Variants in NTM observed in about 807,000 individuals in gnomAD.
The protein encoded by NTM is neurotrimin, also known as IgLON family member 2.
A neutral mutation model predicts 42.1 loss-of-function variants in NTM; 13 were observed. That is an observed-to-expected ratio of 0.31 (90% CI 0.20 to 0.49). NTM has a LOEUF of 0.49. NTM is among the 20% of genes least tolerant of loss of function. The pLI, the probability that NTM is intolerant of heterozygous loss-of-function variation, is 0.99. For synonymous variants in NTM, 187 were observed against 179.2 expected, an observed-to-expected ratio of 1.04 and a Z score of -0.35; for missense variants, 373 against 452.8, an observed-to-expected ratio of 0.82 and a Z score of 1.60.
At chr11:131,540,154 GTTTTTTTTTTTTTTTT>G (rs57022166) in intron 1 of NTM, among the ~76,000 whole-genome samples, 1 of 86,684 alleles carries the variant, frequency 1.2e-5, no homozygotes, top group Non-Finnish European at 2.1e-5. Flanking sequence ...ATTTAAGCTT[GTTTTTTTTTTTTTTTT>G]TTTTTTTTTT....
intron 4 of NTM, among the ~76,000 whole-genome samples, chr11:132,305,953 A>C (rs1464376719): frequency 6.6e-6 from 1 of 152,134 alleles, no homozygotes; most frequent in Admixed American, 6.5e-5. Flanking sequence ...GTTTGTTGTA[A>C]TGGACATAGG....
rs536481136 is a variant in NTM at position 131,957,317 on chromosome 11, G to A, written c.167+45669G>A. Among the ~76,000 whole-genome samples, 9 of 152,264 alleles carry A rather than the reference G, an allele frequency of 5.9e-5. No individual in the cohort carries two copies. In the East Asian group the frequency reaches 1.7e-3, roughly 29 times the overall value. On this transcript the variant is annotated intron_variant, in intron 2 of 8. Transcript: ENST00000683400. ...TAGTTAATTTTTCTGTGATGAAAAAGCAAGTTTCCAAAGGCCCTGGCTTTG... is the reference window on the plus strand; with the variant it reads ...TAGTTAATTTTTCTGTGATGAAAAAACAAGTTTCCAAAGGCCCTGGCTTTG...
intron 3 of NTM, among the ~76,000 whole-genome samples, chr11:132,148,165 C>T (rs1047241191): frequency 1.3e-5 from 2 of 152,122 alleles, no homozygotes; most frequent in African/African-American, 2.4e-5. Flanking sequence ...TAAATGAATA[C>T]TTTTTGAACT....
At chr11:131,682,605 C>T (rs1015354828) in intron 1 of NTM, among the ~76,000 whole-genome samples, 3 of 152,216 alleles carry the variant, frequency 2.0e-5, no homozygotes, top group African/African-American at 7.2e-5. Context: ...TAGAGGAGCC[C>T]AGCATGAGCC....
chr11:132,155,881 A>G (rs1353364176), intron 3 of NTM, among the ~76,000 whole-genome samples: 1 of 152,188 alleles, frequency 6.6e-6, no homozygotes, highest in Non-Finnish European at 1.5e-5. Flanking sequence ...TGTGCAAAGG[A>G]GTGGGGTGCA....
intron 2 of NTM, among the ~76,000 whole-genome samples, chr11:132,009,560 A>G (rs140151276): frequency 6.6e-6 from 1 of 152,174 alleles, no homozygotes; most frequent in East Asian, 1.9e-4. Context: ...AGGCTTTCTG[A>G]CAGTCCTGAG....
At chr11:132,325,566 G>T (rs1319775101) in intron 7 of NTM, among the ~76,000 whole-genome samples, 4 of 151,900 alleles carry the variant, frequency 2.6e-5, no homozygotes, top group African/African-American at 9.7e-5. Context: ...TACACTGTTG[G>T]TGGGACTGTA....
intron 2 of NTM, among the ~76,000 whole-genome samples, chr11:132,121,953 T>C (rs2064909724): frequency 6.6e-6 from 1 of 152,240 alleles, no homozygotes; most frequent in African/African-American, 2.4e-5. Context: ...ACAAATTACC[T>C]GTATTCTGCA....
intron 1 of NTM, among the ~76,000 whole-genome samples, chr11:131,652,039 T>C (rs1279101913): frequency 6.6e-6 from 1 of 152,114 alleles, no homozygotes; most frequent in Non-Finnish European, 1.5e-5. Context: ...CATCAGAGAA[T>C]GCTTAGAATA....
chr11:131,769,621 C>A, intron 1 of NTM: 1 of 974,274 alleles, frequency 1.0e-6, no homozygotes, highest in Non-Finnish European at 1.2e-6. Flanking sequence ...TCCACACAAT[C>A]CTGCCTGTGG....
At chr11:132,107,051 G>T (rs961302910) in intron 2 of NTM, among the ~76,000 whole-genome samples, 1 of 152,116 alleles carries the variant, frequency 6.6e-6, no homozygotes, top group Non-Finnish European at 1.5e-5. Context: ...AAAACTCCCA[G>T]ACATATGCCT....
rs184219436 is a variant in NTM at position 131,836,446 on chromosome 11, C to T, written c.83-75118C>T. Among the ~76,000 whole-genome samples, 377 of 152,208 alleles carry T rather than the reference C, an allele frequency of 2.5e-3. 1 individual carries two copies. Among genetic ancestry groups the T allele is most frequent in the Non-Finnish European group, 3.4e-3 (234 of 68,000 alleles). On this transcript the variant is annotated intron_variant, in intron 1 of 8. Coordinates refer to ENST00000683400, the MANE Select transcript of NTM (RefSeq NM_001352005.2). ...GTATATGTAATTGTGTAGCACAGTG[C>T]TTGGAACACTGTATATAGACAGTGA...
At chr11:132,262,924 T>A (rs2092954541) in intron 4 of NTM, among the ~76,000 whole-genome samples, 1 of 152,168 alleles carries the variant, frequency 6.6e-6, no homozygotes, top group Non-Finnish European at 1.5e-5. Context: ...GAAAACAAGT[T>A]ATGTATTTCC....
At chr11:132,075,416 C>G (rs1263028233) in intron 2 of NTM, among the ~76,000 whole-genome samples, 2 of 152,158 alleles carry the variant, frequency 1.3e-5, no homozygotes, top group African/African-American at 4.8e-5. Flanking sequence ...TGGTGACTCA[C>G]CATTAAAAGT....
chr11:131,701,102 G>T (rs552286655), intron 1 of NTM, among the ~76,000 whole-genome samples: 2 of 152,142 alleles, frequency 1.3e-5, no homozygotes, highest in Admixed American at 1.3e-4. Context: ...TTTCCAGTTG[G>T]TGGACAGTAT....
intron 1 of NTM, among the ~76,000 whole-genome samples, chr11:131,601,400 T>C (rs2512877): frequency 0.48 from 72,355 of 152,094 alleles, 17,847 homozygotes; most frequent in East Asian, 0.61. Context: ...AAAACCTCTT[T>C]GGGTTTTAAT....
intron 1 of NTM, among the ~76,000 whole-genome samples, chr11:131,587,353 C>T (rs1427008805): frequency 6.6e-6 from 1 of 151,610 alleles, no homozygotes; most frequent in Non-Finnish European, 1.5e-5. Flanking sequence ...GAGGCTGAGG[C>T]AGGAGAATGG....
intron 1 of NTM, among the ~76,000 whole-genome samples, chr11:131,600,696 G>A (rs916010415): frequency 2.0e-5 from 3 of 152,152 alleles, no homozygotes; most frequent in Admixed American, 6.5e-5. Context: ...GAACCTGACC[G>A]CTGGCCAGGA....
chr11:131,432,747 T>C (rs75740740), intron 1 of NTM, among the ~76,000 whole-genome samples: 8,925 of 152,096 alleles, frequency 0.059, 339 homozygotes, highest in Non-Finnish European at 0.085. Flanking sequence ...TTTATTTGGA[T>C]ATTTACCTCC....
Sources: allele counts gnomAD v4.1 joint callset (sites outside exome capture counted in the v4.1 genomes callset), GRCh38; gene constraint gnomAD v4.1.1; transcripts MANE v1.5; gene names NCBI Gene and HGNC (gene_info 2026-07-23, HGNC 2026-07-21).